Variants in ELOVL6 observed in about 807,000 individuals in gnomAD.
ELOVL6 encodes the protein very long chain fatty acid elongase 6.
Under a neutral mutation model 31.7 loss-of-function variants are expected in ELOVL6, and 8 were observed. The ratio of observed to expected loss-of-function variants is 0.25; its 90% CI spans 0.15 to 0.45. ELOVL6 has a LOEUF of 0.45. Among genes scored for constraint, ELOVL6 ranks in the 20% least tolerant of loss-of-function variants. The pLI, the probability that ELOVL6 is intolerant of heterozygous loss-of-function variation, is 1.00. For missense variants in ELOVL6, 126 were observed against 326.4 expected, an observed-to-expected ratio of 0.39 and a Z score of 4.73; for synonymous variants, 101 against 117.7, an observed-to-expected ratio of 0.86 and a Z score of 0.92.
intron 1 of ELOVL6, among the ~76,000 whole-genome samples, chr4:110,188,615 C>T (rs754739240): frequency 5.3e-5 from 8 of 152,018 alleles, no homozygotes; most frequent in Non-Finnish European, 7.4e-5. Flanking sequence ...TGGCCAGGCG[C>T]GGTGGCTCAT....
chr4:110,162,857 T>C (rs1239746824), intron 1 of ELOVL6, among the ~76,000 whole-genome samples: 1 of 152,196 alleles, frequency 6.6e-6, no homozygotes, highest in Non-Finnish European at 1.5e-5. Context: ...TTCACAACTC[T>C]GCAAAGCAGT....
At chr4:110,176,151 C>CTTAT (rs35100521) in intron 1 of ELOVL6, among the ~76,000 whole-genome samples, 83,790 of 149,416 alleles carry the variant, frequency 0.56, 25,971 homozygotes, top group East Asian at 0.92. Flanking sequence ...ATGTTTCTAC[C>CTTAT]TTATTTATTT....
Position 110,051,800 on chromosome 4 carries a change from G to C in ELOVL6, c.374-38C>G. ...GAGGAAGAAGGTACGTGAGATCCTT[G>C]ACCACCAGTAACGATGACTTACAGT... is the stretch of plus-strand genomic sequence containing the variant. On this transcript the variant is annotated intron_variant, in intron 3 of 3. Coordinates refer to ENST00000302274, the MANE Select transcript of ELOVL6 (RefSeq NM_024090.3). The surrounding 1 kb of genome is among the most constrained non-coding windows in gnomAD (Gnocchi z 4.8). 6.4e-7 allele frequency: 1 copy of C among 1,558,434 alleles called. No homozygotes were observed. Among genetic ancestry groups the C allele is most frequent in the Non-Finnish European group, 8.8e-7 (1 of 1,140,602 alleles).
intron 3 of ELOVL6, among the ~76,000 whole-genome samples, chr4:110,052,426 C>T (rs888631548): frequency 1.3e-5 from 2 of 152,204 alleles, no homozygotes; most frequent in African/African-American, 4.8e-5. Context: ...CTCTTCTATA[C>T]ACATTTGCTG....
chr4:110,056,620 C>G (rs2126220867), intron 3 of ELOVL6, among the ~76,000 whole-genome samples: 1 of 152,174 alleles, frequency 6.6e-6, no homozygotes, highest in Non-Finnish European at 1.5e-5. Flanking sequence ...TACTAATTAG[C>G]CTCATTAAAG....
chr4:110,120,914 G>C (rs1757337501), intron 1 of ELOVL6, among the ~76,000 whole-genome samples: 1 of 149,864 alleles, frequency 6.7e-6, no homozygotes, highest in African/African-American at 2.4e-5. Flanking sequence ...GATTCTCCTG[G>C]CTTAGCCTCC....
chr4:110,051,608 C>T lies in ELOVL6; in HGVS notation c.528G>A (p.Val176=), dbSNP rs770754877. The change falls in exon 4 of 4, where the codon GTG becomes GTA. Residue 176 remains valine, a synonymous_variant. Coordinates refer to ENST00000302274, the MANE Select transcript of ELOVL6 (RefSeq NM_024090.3). This position sits in a 1 kb window ranked among gnomAD's most constrained non-coding sequence, Gnocchi z 4.8. ...CCCGCAAGGCATAGTAAGAGTACAT[C>T]ACGGCGTGCACGCCATAGTTCATAG... ...FMTMNYGVHA[V]MYSYYALRAA... 8.7e-6 allele frequency: 14 copies of T among 1,614,082 alleles called. No individual in the cohort carries two copies. In the South Asian group the frequency reaches 1.4e-4, roughly 16 times the overall value.
chr4:110,176,616 C>A (rs1460817052), intron 1 of ELOVL6, among the ~76,000 whole-genome samples: 1 of 152,204 alleles, frequency 6.6e-6, no homozygotes, highest in African/African-American at 2.4e-5. Flanking sequence ...CCAACCCAAT[C>A]CCCCTCCTTT....
rs1365836408 is a variant in ELOVL6, at chr4:110,059,599, T to C, written c.373+4A>G. 1 of 1,611,412 alleles carries C rather than the reference T, an allele frequency of 6.2e-7. No individual in the cohort carries two copies. Among genetic ancestry groups the C allele is most frequent in the South Asian group, 1.1e-5 (1 of 90,424 alleles). ...AGGGAGAGGAAATGGAAGAAGATAC[T>C]CACCTAGTTCGGGTGCTTTGCTTAG... On this transcript the variant is annotated splice_donor_region_variant and intron_variant, in intron 3 of 3. Coordinates refer to ENST00000302274, the MANE Select transcript of ELOVL6 (RefSeq NM_024090.3).
chr4:110,070,719 T>C (rs1416511868), intron 2 of ELOVL6, among the ~76,000 whole-genome samples: 1 of 152,142 alleles, frequency 6.6e-6, no homozygotes, highest in East Asian at 1.9e-4. Flanking sequence ...TCTGGTTGTT[T>C]AAAGTGTGTA....
intron 2 of ELOVL6, among the ~76,000 whole-genome samples, chr4:110,086,916 A>G (rs998479354): frequency 5.3e-5 from 8 of 152,126 alleles, no homozygotes; most frequent in African/African-American, 1.9e-4. Context: ...ATATTCAAGG[A>G]TCTTATCCTT....
At chr4:110,137,094 T>C (rs1430888977) in intron 1 of ELOVL6, among the ~76,000 whole-genome samples, 1 of 152,168 alleles carries the variant, frequency 6.6e-6, no homozygotes, top group African/African-American at 2.4e-5. Flanking sequence ...TCAAGAAATA[T>C]AATAAAACTA....
chr4:110,068,295 T>G (rs1340296392), intron 2 of ELOVL6, among the ~76,000 whole-genome samples: 1 of 152,172 alleles, frequency 6.6e-6, no homozygotes, highest in Non-Finnish European at 1.5e-5. Context: ...AATCTTGAAC[T>G]CCTAGACTGA....
At chr4:110,097,305 C>CAAAAAAAAAAAAA (rs33970271) in intron 2 of ELOVL6, among the ~76,000 whole-genome samples, 4,014 of 88,092 alleles carry the variant, frequency 0.046, 162 homozygotes, top group East Asian at 0.065. Flanking sequence ...ACTCCATCTC[C>CAAAAAAAAAAAAA]AAAAAAAAAA....
At chr4:110,136,304 T>C (rs946456384) in intron 1 of ELOVL6, among the ~76,000 whole-genome samples, 3 of 152,182 alleles carry the variant, frequency 2.0e-5, no homozygotes, top group Non-Finnish European at 4.4e-5. Flanking sequence ...TTATAAAGTG[T>C]TTAAAGGCTG....
At chr4:110,117,260 C>T (rs1757194271) in intron 1 of ELOVL6, among the ~76,000 whole-genome samples, 1 of 152,048 alleles carries the variant, frequency 6.6e-6, no homozygotes, top group Non-Finnish European at 1.5e-5. Flanking sequence ...GGATCCTGAA[C>T]AAGAGAAATA....
At chr4:110,099,930 C>G (rs1756692359) in intron 2 of ELOVL6, among the ~76,000 whole-genome samples, 1 of 152,172 alleles carries the variant, frequency 6.6e-6, no homozygotes, top group Non-Finnish European at 1.5e-5. Flanking sequence ...GATAACTTAG[C>G]CAAATCTAAC....
intron 1 of ELOVL6, among the ~76,000 whole-genome samples, chr4:110,108,441 G>A (rs1002702927): frequency 4.6e-5 from 7 of 152,072 alleles, no homozygotes; most frequent in African/African-American, 1.2e-4. Context: ...TCTAAAATGA[G>A]AATTAATCCT....
At chr4:110,098,000 T>G (rs929172874) in intron 2 of ELOVL6, among the ~76,000 whole-genome samples, 1 of 152,074 alleles carries the variant, frequency 6.6e-6, no homozygotes, top group African/African-American at 2.4e-5. Context: ...CATTTTCGAG[T>G]AGGCTAAAGA....
Sources: gnomAD v4.1 joint callset for allele counts (sites outside exome capture counted in the v4.1 genomes callset) on GRCh38, gnomAD v4.1.1 for gene constraint, Gnocchi (gnomAD v3.1) non-coding constraint, MANE v1.5 for transcripts, NCBI Gene and HGNC (gene_info 2026-07-23, HGNC 2026-07-21) for gene names.